URI1: variants seen among roughly 807,000 people sequenced by gnomAD.
URI1 encodes unconventional prefoldin RPB5 interactor 1.
A neutral mutation model predicts 60.2 loss-of-function variants in URI1; 39 were observed. That is an observed-to-expected ratio of 0.65 (90% CI 0.50 to 0.85). URI1 has a LOEUF of 0.85. URI1 is among the 40% of genes least tolerant of loss of function. The probability of loss-of-function intolerance (pLI) is 0.00; values close to 1 mark genes in which losing one functional copy is unlikely to be tolerated. For synonymous variants in URI1, 251 were observed against 236.8 expected, an observed-to-expected ratio of 1.06 and a Z score of -0.55; for missense variants, 691 against 665.9, an observed-to-expected ratio of 1.04 and a Z score of -0.42.
chr19:29,924,561 G>C (rs113469772), intron 1 of URI1, among the ~76,000 whole-genome samples: 1 of 152,186 alleles, frequency 6.6e-6, no homozygotes, highest in African/African-American at 2.4e-5. Context: ...AGAACAGAGG[G>C]GCCAGGCCCT....
chr19:30,014,695 G>C (rs1054103298), intron 10 of URI1, among the ~76,000 whole-genome samples, 192 bp from the exon 11 acceptor site: 1 of 151,968 alleles, frequency 6.6e-6, no homozygotes. Flanking sequence ...AATTACTTCT[G>C]TTTGGTGGTG....
chr19:30,014,459 A>G (rs1353398394), intron 10 of URI1, among the ~76,000 whole-genome samples: 3 of 152,238 alleles, frequency 2.0e-5, no homozygotes, highest in Non-Finnish European at 4.4e-5. Flanking sequence ...GCTATTGGCT[A>G]GCAGGCAGCA....
chr19:29,938,941 G>A (rs1023350712), upstream of URI1, among the ~76,000 whole-genome samples: 3 of 149,854 alleles, frequency 2.0e-5, no homozygotes, highest in Admixed American at 6.7e-5. Flanking sequence ...CTCCCAAAGT[G>A]CTGGGATTAC....
At chr19:29,945,919 G>A (rs1175110007) in intron 1 of URI1, among the ~76,000 whole-genome samples, 1 of 151,880 alleles carries the variant, frequency 6.6e-6, no homozygotes, top group Admixed American at 6.6e-5. Flanking sequence ...AACGAAAATT[G>A]GAATGTTACT....
chr19:29,990,527 G>A (rs1052418300), intron 4 of URI1, among the ~76,000 whole-genome samples: 14 of 152,218 alleles, frequency 9.2e-5, no homozygotes, highest in Admixed American at 2.0e-4. Flanking sequence ...AGGTGAATAA[G>A]TGTCGTACAT....
intron 2 of URI1, among the ~76,000 whole-genome samples, chr19:29,976,734 T>G (rs2055527375): frequency 6.6e-6 from 1 of 152,238 alleles, no homozygotes; most frequent in African/African-American, 2.4e-5. Flanking sequence ...ATGTTAGGCA[T>G]TACTTACAAT....
At chr19:30,003,129 G>A (rs2055898397) in intron 4 of URI1, among the ~76,000 whole-genome samples, 1 of 151,926 alleles carries the variant, frequency 6.6e-6, no homozygotes. Context: ...TTTAACTGTT[G>A]TTCTTTTGAA....
intron 6 of URI1, 115 bp from the exon 7 acceptor site, chr19:30,007,355 G>A (rs1360870828): frequency 2.6e-6 from 3 of 1,168,292 alleles, no homozygotes; most frequent in Non-Finnish European, 3.6e-6. Context: ...CTTAAAAATT[G>A]TGACCCCTCT....
intron 2 of URI1, among the ~76,000 whole-genome samples, chr19:29,984,838 GA>G (rs2055642519): frequency 6.6e-6 from 1 of 151,954 alleles, no homozygotes; most frequent in African/African-American, 2.4e-5. Flanking sequence ...GCTTTTGAGT[GA>G]GGCCAGGTGC....
chr19:30,001,955 A>T (rs2055883852), intron 4 of URI1, among the ~76,000 whole-genome samples: 1 of 152,058 alleles, frequency 6.6e-6, no homozygotes, highest in African/African-American at 2.4e-5. Context: ...TTTAAGAAGG[A>T]GTACATCCTG....
chr19:29,988,022 G>A (rs2055694064), intron 4 of URI1, among the ~76,000 whole-genome samples: 1 of 152,010 alleles, frequency 6.6e-6, no homozygotes, highest in Non-Finnish European at 1.5e-5. Context: ...ACAAAAATTA[G>A]CCGGGCGTGG....
intron 4 of URI1, among the ~76,000 whole-genome samples, chr19:29,986,893 A>C (rs992513239): frequency 6.6e-6 from 1 of 152,182 alleles, no homozygotes; most frequent in African/African-American, 2.4e-5. Context: ...TTTTCATTTG[A>C]TAGAGGAGAC....
chr19:29,924,494 C>T (rs1046082335), intron 1 of URI1, among the ~76,000 whole-genome samples: 1 of 152,196 alleles, frequency 6.6e-6, no homozygotes, highest in Non-Finnish European at 1.5e-5. Context: ...TCGCTTTCAT[C>T]CCTGGTCCTC....
chr19:29,966,793 T>C (rs1482164862), intron 1 of URI1, among the ~76,000 whole-genome samples: 1 of 152,234 alleles, frequency 6.6e-6, no homozygotes, highest in Non-Finnish European at 1.5e-5. Context: ...AGCCACAGTC[T>C]AGCAGGAGAA....
chr19:29,934,497 G>A (rs1006056781), intron 1 of URI1, among the ~76,000 whole-genome samples: 17 of 152,182 alleles, frequency 1.1e-4, no homozygotes, highest in Non-Finnish European at 1.8e-4. Flanking sequence ...ACAATCCCAC[G>A]TGGTTTTTCT....
rs1568408277 is a variant in URI1 at position 29,944,185 on chromosome 19, A to ATATATATG, written c.117+1528_117+1529insGTATATAT. 3.9e-4 allele frequency among the ~76,000 whole-genome samples: 39 copies of ATATATATG among 100,714 alleles called. 1 individual carries two copies. The highest frequency in any genetic ancestry group is 5.6e-4 in the Non-Finnish European group (28 of 50,340). 66.1% of individuals were successfully genotyped at this position (100,714 alleles called of 152,430 possible). A position where few individuals can be genotyped will look rare whatever the true frequency, so the allele number is the denominator to read the frequency against. ...TATATATATATATATATATATATAT[A>ATATATATG]TATATATAAAACTTAACTAGTTTGG... is the stretch of plus-strand genomic sequence containing the variant. On this transcript the variant is annotated intron_variant, in intron 1 of 10. Coordinates refer to ENST00000392271, the MANE Select transcript of URI1 (RefSeq NM_003796.3).
intron 1 of URI1, among the ~76,000 whole-genome samples, chr19:29,954,856 T>C (rs1380518209): frequency 6.6e-6 from 1 of 152,080 alleles, no homozygotes; most frequent in Non-Finnish European, 1.5e-5. Flanking sequence ...CTGTCCTTCC[T>C]CTGTTTCTTC....
In URI1 at chr19:30,012,504, A is replaced by G; in HGVS notation, c.1398A>G (p.Lys466=). The G allele has an allele frequency of 4.3e-6, 7 of 1,614,092 alleles. No homozygotes were observed. Among genetic ancestry groups the G allele is most frequent in the Non-Finnish European group, 5.9e-6 (7 of 1,179,986 alleles). ...LEEEPQENQK[K]LLPLSVTPEA... is the part of the protein sequence containing the mutation. ...AGGAACCACAAGAAAATCAAAAGAA[A>G]CTTTTGCCCTTATCAGTAACACCTG... The change falls in exon 10 of 11, where the codon AAA becomes AAG. Residue 466 remains lysine (K), a synonymous_variant. Transcript: ENST00000392271.
chr19:29,948,649 G>T (rs927789824), intron 1 of URI1, among the ~76,000 whole-genome samples: 1 of 152,142 alleles, frequency 6.6e-6, no homozygotes, highest in Admixed American at 6.5e-5. Flanking sequence ...CAGAGAGCAC[G>T]GGGCTGGGGG....
Sources: gnomAD v4.1 joint callset for allele counts (sites outside exome capture counted in the v4.1 genomes callset) on GRCh38, gnomAD v4.1.1 for gene constraint, MANE v1.5 for transcripts, NCBI Gene and HGNC (gene_info 2026-07-23, HGNC 2026-07-21) for gene names.